Variants in IL1RAPL2 observed in about 807,000 individuals in gnomAD.
IL1RAPL2 encodes X-linked interleukin-1 receptor accessory protein-like 2.
A neutral mutation model predicts 44.1 loss-of-function variants in IL1RAPL2; 3 were observed. That is an observed-to-expected ratio of 0.07 (90% CI 0.03 to 0.18). The LOEUF (loss-of-function observed/expected upper bound fraction) is 0.18, where lower values mean the gene tolerates loss of function less well. Ranked by LOEUF, IL1RAPL2 falls within the 10% of genes least tolerant of loss-of-function variation. The pLI, the probability that IL1RAPL2 is intolerant of heterozygous loss-of-function variation, is 1.00. For synonymous variants in IL1RAPL2, 181 were observed against 178.8 expected (o/e 1.01, Z -0.10); for missense variants, 391 against 496.4 (o/e 0.79, Z 2.02).
At chrX:104,644,226 G>A (rs1030010526) in intron 1 of IL1RAPL2, among the ~76,000 whole-genome samples, 2 of 111,234 alleles carry the variant, frequency 1.8e-5, no homozygotes, top group Non-Finnish European at 3.8e-5. Context: ...TGACTCAATT[G>A]GAAACAAAGC....
At chrX:104,604,261 G>T (rs1463349299) in intron 1 of IL1RAPL2, among the ~76,000 whole-genome samples, 4 of 111,695 alleles carry the variant, frequency 3.6e-5, no homozygotes, top group African/African-American at 9.8e-5. Flanking sequence ...AATGCTGAGA[G>T]ATTTCATCAC....
chrX:105,444,235 G>A (rs866300372), intron 5 of IL1RAPL2, among the ~76,000 whole-genome samples: 34 of 111,454 alleles, frequency 3.1e-4, no homozygotes, highest in Middle Eastern at 4.7e-3. Flanking sequence ...ATATATTCTG[G>A]TTATGAATCC....
chrX:104,908,676 G>T lies in IL1RAPL2; in HGVS notation c.82+249681G>T, dbSNP rs766711214. Among the ~76,000 whole-genome samples, 286 of 111,177 alleles carry T rather than the reference G, an allele frequency of 2.6e-3. 1 individual carries two copies. Among genetic ancestry groups the T allele is most frequent in the African/African-American group, 8.8e-3 (269 of 30,664 alleles). On this transcript the variant is annotated intron_variant, in intron 2 of 10. Coordinates refer to ENST00000372582, the MANE Select transcript of IL1RAPL2 (RefSeq NM_017416.2). ...TAGGGTTTCTGCTGAGAGATCCGCT[G>T]TTAGTCTGATGGGCTTCCCTTTGAG...
At chrX:105,684,383 T>C (rs191928452) in intron 6 of IL1RAPL2, among the ~76,000 whole-genome samples, 1 of 113,151 alleles carries the variant, frequency 8.8e-6, no homozygotes, top group Non-Finnish European at 1.9e-5. Flanking sequence ...GATTCTCTCC[T>C]GTGCCTGGCT....
chrX:105,056,796 C>T (rs1338899334), intron 2 of IL1RAPL2, among the ~76,000 whole-genome samples: 2 of 112,206 alleles, frequency 1.8e-5, no homozygotes, highest in Non-Finnish European at 3.8e-5. Flanking sequence ...TTAGCAGACT[C>T]TACTTCAGTA....
At chrX:104,932,846 AT>A (rs920720928) in intron 2 of IL1RAPL2, among the ~76,000 whole-genome samples, 21 of 112,196 alleles carry the variant, frequency 1.9e-4, no homozygotes, top group Admixed American at 1.6e-3. Flanking sequence ...GTTAGTAGGG[AT>A]TTAAAGTTTG....
At chrX:105,489,956 C>A (rs1231802536) in intron 6 of IL1RAPL2, among the ~76,000 whole-genome samples, 3 of 108,663 alleles carry the variant, frequency 2.8e-5, no homozygotes, top group African/African-American at 1.0e-4. Context: ...GCCTCCCAAG[C>A]AGCTGGAATC....
At chrX:104,721,167 T>C (rs878860426) in intron 2 of IL1RAPL2, among the ~76,000 whole-genome samples, 1 of 111,407 alleles carries the variant, frequency 9.0e-6, no homozygotes, top group Non-Finnish European at 1.9e-5. Context: ...GACTGAGCAA[T>C]CCCATTACTG....
chrX:105,545,419 A>G (rs1399500131), intron 6 of IL1RAPL2, among the ~76,000 whole-genome samples: 1 of 112,454 alleles, frequency 8.9e-6, no homozygotes, highest in Non-Finnish European at 1.9e-5. Context: ...CATCTGGTAG[A>G]AAGAAAGTGA....
intron 1 of IL1RAPL2, among the ~76,000 whole-genome samples, chrX:104,626,163 A>G (rs1249204411): frequency 9.0e-6 from 1 of 111,136 alleles, no homozygotes; most frequent in Non-Finnish European, 1.9e-5. Context: ...CTCCCAATGA[A>G]TGTTAGTTTC....
intron 2 of IL1RAPL2, among the ~76,000 whole-genome samples, chrX:105,004,910 G>A (rs759661301): frequency 5.1e-4 from 56 of 110,679 alleles, no homozygotes; most frequent in Non-Finnish European, 8.2e-4. Flanking sequence ...AAATATCCCC[G>A]TCCCTCAGTG....
chrX:105,226,508 G>C (rs1388456216), intron 3 of IL1RAPL2, among the ~76,000 whole-genome samples: 2 of 98,715 alleles, frequency 2.0e-5, no homozygotes, highest in African/African-American at 7.6e-5. Context: ...AGTGATTCTC[G>C]TGCCTCAGCC....
At chrX:104,697,151 A>G (rs1209857162) in intron 2 of IL1RAPL2, among the ~76,000 whole-genome samples, 1 of 112,753 alleles carries the variant, frequency 8.9e-6, no homozygotes, top group East Asian at 2.8e-4. Flanking sequence ...CAGCCCTGTT[A>G]AAAATTCAAC....
rs1420788121 is a variant in IL1RAPL2, at chrX:104,647,632, A to G, written c.-19-11263A>G. On this transcript the variant is annotated intron_variant, in intron 1 of 10. Transcript: ENST00000372582. ...ACACCACCGACTTGAGGATCTTGGT[A>G]GTGATGGATGGCAGCACACGCTCAT... 1.1e-5 allele frequency: 6 copies of G among 539,096 alleles called. No homozygotes were observed. The East Asian group carries it at 2.0e-4, about 18-fold the overall frequency. 44.4% of individuals were successfully genotyped at this position (539,096 alleles called of 1,213,427 possible).
intron 5 of IL1RAPL2, among the ~76,000 whole-genome samples, chrX:105,355,964 G>A (rs930018153): frequency 9.0e-6 from 1 of 111,258 alleles, no homozygotes; most frequent in Non-Finnish European, 1.9e-5. Flanking sequence ...AGTATTGATT[G>A]TTTATAGCCT....
At chrX:104,701,397 G>A (rs1317102178) in intron 2 of IL1RAPL2, among the ~76,000 whole-genome samples, 1 of 111,520 alleles carries the variant, frequency 9.0e-6, no homozygotes, top group Non-Finnish European at 1.9e-5. Flanking sequence ...TTTGAATTCA[G>A]AGGCAAGTAC....
intron 2 of IL1RAPL2, among the ~76,000 whole-genome samples, chrX:104,702,529 A>T (rs774191844): frequency 2.7e-5 from 3 of 112,433 alleles, no homozygotes; most frequent in Non-Finnish European, 5.6e-5. Flanking sequence ...AGACTGACTG[A>T]TTAAGGCTGT....
chrX:105,113,085 A>G (rs1234663439), intron 2 of IL1RAPL2, among the ~76,000 whole-genome samples: 1 of 112,537 alleles, frequency 8.9e-6, no homozygotes, highest in East Asian at 2.8e-4. Context: ...TGCAATTGAT[A>G]CAGGGACAAA....
chrX:104,635,859 C>T lies in IL1RAPL2; in HGVS notation c.-19-23036C>T, dbSNP rs1173186881. 1.3e-4 allele frequency among the ~76,000 whole-genome samples: 15 copies of T among 112,300 alleles called. No individual in the cohort carries two copies. In the East Asian group the frequency reaches 1.7e-3, roughly 13 times the overall value. On this transcript the variant is annotated intron_variant, in intron 1 of 10. Transcript: ENST00000372582. Reference sequence around the variant, plus strand: ...CTCTCAACTCGTCAAAGTCATTCTCCGTCCAGCTTTGTTCCATTGCTGGTG... The same window carrying T: ...CTCTCAACTCGTCAAAGTCATTCTCTGTCCAGCTTTGTTCCATTGCTGGTG...
Sources: allele counts gnomAD v4.1 joint callset (sites outside exome capture counted in the v4.1 genomes callset), GRCh38; gene constraint gnomAD v4.1.1; transcripts MANE v1.5; gene names NCBI Gene and HGNC (gene_info 2026-07-23, HGNC 2026-07-21).